The following SDCCAG8 variants were observed in gnomAD, a reference collection of about 807,000 sequenced individuals.
SDCCAG8 encodes SHH signaling and ciliogenesis regulator SDCCAG8, also known as serologically defined colon cancer antigen 8.
A neutral mutation model predicts 101.8 loss-of-function variants in SDCCAG8; 74 were observed. The observed-to-expected ratio is 0.73, with a 90% CI of 0.60 to 0.88. The LOEUF (loss-of-function observed/expected upper bound fraction) is 0.88. Among genes scored for constraint, SDCCAG8 ranks in the 40% least tolerant of loss-of-function variants. The pLI is 0.00. For missense variants in SDCCAG8, 787 were observed against 822.6 expected, an observed-to-expected ratio of 0.96 and a Z score of 0.53; for synonymous variants, 281 against 292.9, an observed-to-expected ratio of 0.96 and a Z score of 0.41.
At chr1:243,343,633 A>G (rs1220528720) in intron 11 of SDCCAG8, among the ~76,000 whole-genome samples, 3 of 152,224 alleles carry the variant, frequency 2.0e-5, no homozygotes, top group African/African-American at 4.8e-5. Context: ...CTTTTGCCAG[A>G]AAATCTTCCT....
chr1:243,266,612 G>A (rs537670033), intron 1 of SDCCAG8, among the ~76,000 whole-genome samples: 13 of 152,052 alleles, frequency 8.5e-5, no homozygotes, highest in Admixed American at 7.2e-4. Context: ...GAGCCACTGT[G>A]CCTGGACTAA....
chr1:243,408,167 G>A (rs537497022), intron 13 of SDCCAG8, among the ~76,000 whole-genome samples: 8 of 152,238 alleles, frequency 5.3e-5, no homozygotes, highest in Non-Finnish European at 8.8e-5. Flanking sequence ...AGTACTTTCC[G>A]TCTTTTAGTA....
chr1:243,315,838 A>G (rs974610151), intron 8 of SDCCAG8, among the ~76,000 whole-genome samples: 1 of 152,136 alleles, frequency 6.6e-6, no homozygotes, highest in Admixed American at 6.5e-5. Context: ...TTAGTCTTCA[A>G]CTCTTTAACA....
intron 12 of SDCCAG8, among the ~76,000 whole-genome samples, chr1:243,355,952 C>G (rs1351185959): frequency 2.6e-5 from 4 of 152,138 alleles, no homozygotes; most frequent in Non-Finnish European, 5.9e-5. Context: ...GCAAAGAAAT[C>G]TGAATTCACT....
At chr1:243,464,054 A>G (rs376273410) in intron 16 of SDCCAG8, among the ~76,000 whole-genome samples, 1 of 152,114 alleles carries the variant, frequency 6.6e-6, no homozygotes, top group Non-Finnish European at 1.5e-5. Flanking sequence ...AATTGTTAAC[A>G]TGGTTGGATG....
chr1:243,327,398 T>G (rs1470759739), intron 9 of SDCCAG8, among the ~76,000 whole-genome samples: 2 of 132,180 alleles, frequency 1.5e-5, no homozygotes, highest in African/African-American at 2.6e-5. Context: ...ATTTATAATT[T>G]TATAGAAATT....
chr1:243,325,439 C>G (rs2149342922), intron 9 of SDCCAG8, among the ~76,000 whole-genome samples: 1 of 151,552 alleles, frequency 6.6e-6, no homozygotes, highest in Non-Finnish European at 1.5e-5. Context: ...ATTTAAAACC[C>G]AACTACTTAT....
intron 16 of SDCCAG8, among the ~76,000 whole-genome samples, chr1:243,462,534 G>C (rs1659327216): frequency 6.6e-6 from 1 of 152,252 alleles, no homozygotes; most frequent in African/African-American, 2.4e-5. Flanking sequence ...TGAAATCTTG[G>C]CTGTCTTGTT....
intron 4 of SDCCAG8, among the ~76,000 whole-genome samples, chr1:243,284,371 T>C (rs1312010007): frequency 1.3e-5 from 2 of 152,218 alleles, no homozygotes; most frequent in African/African-American, 2.4e-5. Context: ...TTCCTAAATA[T>C]AGTCTGAGAT....
intron 16 of SDCCAG8, among the ~76,000 whole-genome samples, chr1:243,465,828 T>C (rs886936699): frequency 6.6e-6 from 1 of 152,228 alleles, no homozygotes; most frequent in Non-Finnish European, 1.5e-5. Context: ...ATGTATAATC[T>C]CATCGGCCTT....
chr1:243,384,043 C>T (rs12023775), intron 13 of SDCCAG8, among the ~76,000 whole-genome samples: 82,483 of 152,008 alleles, frequency 0.54, 25,622 homozygotes, highest in East Asian at 0.9. Context: ...CCCCTTGAAT[C>T]CTTCTTCCCA....
At chr1:243,427,252 G>C (rs185129412) in intron 16 of SDCCAG8, among the ~76,000 whole-genome samples, 1 of 152,350 alleles carries the variant, frequency 6.6e-6, no homozygotes, top group East Asian at 1.9e-4. Context: ...CAAAGTGACA[G>C]ATGGAATAAG....
chr1:243,258,695 C>T (rs898875961), intron 1 of SDCCAG8, among the ~76,000 whole-genome samples: 3 of 152,184 alleles, frequency 2.0e-5, no homozygotes, highest in Admixed American at 1.3e-4. Context: ...TGAGCCACCG[C>T]GCCCGGCTGA....
rs528684301 is a variant in SDCCAG8 at position 243,488,785 on chromosome 1, GAT to G, written c.1986-227_1986-226del. Among the ~76,000 whole-genome samples the G allele has an allele frequency of 2.3e-4, 35 of 152,180 alleles. 1 individual carries two copies. The highest frequency in any genetic ancestry group is 6.8e-3 in the Middle Eastern group (2 of 292). On this transcript the variant is annotated intron_variant, in intron 16 of 17. Coordinates refer to ENST00000366541, the MANE Select transcript of SDCCAG8 (RefSeq NM_006642.5). Reference sequence around the variant, plus strand: ...CCACTTATCTGCGTGTTTTCTAATTGATAGTGTACTGAGATGGCTCCCAGTTC... The same window carrying G: ...CCACTTATCTGCGTGTTTTCTAATTGAGTGTACTGAGATGGCTCCCAGTTC...
chr1:243,330,815 A>G, intron 10 of SDCCAG8, 123 bp downstream of exon 10: 1 of 894,350 alleles, frequency 1.1e-6, no homozygotes, highest in Non-Finnish European at 1.7e-6. Context: ...TTATATAAGT[A>G]GTTAAATTTC....
chr1:243,382,064 A>T (rs778689411), intron 13 of SDCCAG8, among the ~76,000 whole-genome samples: 2 of 152,210 alleles, frequency 1.3e-5, no homozygotes, highest in Non-Finnish European at 2.9e-5. Flanking sequence ...ATATATACAG[A>T]GACATAAAGA....
At chr1:243,281,235 A>G (rs1432778259) in intron 4 of SDCCAG8, among the ~76,000 whole-genome samples, 1 of 140,744 alleles carries the variant, frequency 7.1e-6, no homozygotes, top group Non-Finnish European at 1.6e-5. Context: ...ATCTTTCTTC[A>G]TTTATTTTAA....
At chr1:243,450,629 T>C (rs1177753337) in intron 16 of SDCCAG8, among the ~76,000 whole-genome samples, 1 of 152,112 alleles carries the variant, frequency 6.6e-6, no homozygotes. Context: ...TTTATTTTTG[T>C]TTGTTTGTTT....
At chr1:243,408,361 G>A (rs2079934491) in intron 13 of SDCCAG8, among the ~76,000 whole-genome samples, 1 of 152,160 alleles carries the variant, frequency 6.6e-6, no homozygotes, top group Non-Finnish European at 1.5e-5. Context: ...GTGGCCACTT[G>A]AGGCAGGAGA....
Sources: gnomAD v4.1 joint callset for allele counts (sites outside exome capture counted in the v4.1 genomes callset) on GRCh38, gnomAD v4.1.1 for gene constraint, MANE v1.5 for transcripts, NCBI Gene and HGNC (gene_info 2026-07-23, HGNC 2026-07-21) for gene names.